MSI2: variants seen among roughly 807,000 people sequenced by gnomAD.
The protein encoded by MSI2 is musashi RNA binding protein 2.
In MSI2, 17 loss-of-function variants were observed where a neutral mutation model predicts 45.6. The ratio of observed to expected loss-of-function variants is 0.37; its 90% confidence interval spans 0.26 to 0.56. MSI2 has a LOEUF of 0.56. Among genes scored for constraint, MSI2 ranks in the 20% least tolerant of loss-of-function variants. The pLI is 0.77. For missense variants in MSI2, 293 were observed against 444.2 expected, an observed-to-expected ratio of 0.66 and a Z score of 3.06; for synonymous variants, 156 against 158.2, an observed-to-expected ratio of 0.99 and a Z score of 0.11.
At chr17:57,453,637 C>T (rs1038120890) in intron 6 of MSI2, among the ~76,000 whole-genome samples, 5 of 152,200 alleles carry the variant, frequency 3.3e-5, no homozygotes, top group African/African-American at 4.8e-5. Context: ...GTGCCGGGCA[C>T]GCTTTTCTAT....
intron 6 of MSI2, among the ~76,000 whole-genome samples, chr17:57,443,427 G>A (rs1220270104): frequency 2.0e-5 from 3 of 152,170 alleles, no homozygotes; most frequent in East Asian, 1.9e-4. Flanking sequence ...GCCTCTCCTC[G>A]GCTGCCCAAT....
downstream of MSI2, among the ~76,000 whole-genome samples, chr17:57,689,239 T>G (rs1913938725): frequency 6.6e-6 from 1 of 152,186 alleles, no homozygotes; most frequent in Admixed American, 6.5e-5. Context: ...GTATGTTCTC[T>G]CTCTCTACAT....
chr17:57,672,317 T>A (rs934982823), intron 11 of MSI2, among the ~76,000 whole-genome samples: 1 of 152,164 alleles, frequency 6.6e-6, no homozygotes, highest in Admixed American at 6.5e-5. Context: ...ATTGTGAAAT[T>A]CCCTTCAGGC....
chr17:57,520,528 C>A (rs2086561525), intron 6 of MSI2, among the ~76,000 whole-genome samples: 1 of 152,154 alleles, frequency 6.6e-6, no homozygotes, highest in Non-Finnish European at 1.5e-5. Flanking sequence ...GGTGTGGGAG[C>A]CTTCTGTGAA....
Position 57,410,008 on chromosome 17 carries a change from CAAAA to C in MSI2, c.405+8551_405+8554del, listed in dbSNP as rs59098048. Reference sequence around the variant, plus strand: ...GGGTGACAGTGTGAGACTCTGTCTCCAAAAAAAAAAAAAAAAATGGGGAGTATGG... The same window carrying C: ...GGGTGACAGTGTGAGACTCTGTCTCCAAAAAAAAAAAAATGGGGAGTATGG... On this transcript the variant is annotated intron_variant, in intron 6 of 13. Transcript: ENST00000284073. 1.7e-3 allele frequency among the ~76,000 whole-genome samples: 103 copies of C among 61,654 alleles called. 4 individuals are homozygous for C. The highest frequency in any genetic ancestry group is 5.5e-3 in the African/African-American group (91 of 16,692). 40.4% of individuals were successfully genotyped at this position (61,654 alleles called of 152,430 possible).
intron 7 of MSI2, among the ~76,000 whole-genome samples, chr17:57,566,626 G>A (rs764174796): frequency 1.3e-5 from 2 of 152,192 alleles, no homozygotes; most frequent in Non-Finnish European, 2.9e-5. Context: ...ATATAGCGCA[G>A]CATTGCTTTC....
intron 8 of MSI2, among the ~76,000 whole-genome samples, chr17:57,602,602 GC>G (rs1000873505): frequency 8.2e-4 from 125 of 152,126 alleles, no homozygotes; most frequent in African/African-American, 2.9e-3. Flanking sequence ...TGATCCCCTT[GC>G]CTCTGCCTCC....
At chr17:57,692,557 G>T in the MSI2 span, among the ~76,000 whole-genome samples, 1 of 152,016 alleles carries the variant, frequency 6.6e-6, no homozygotes, top group Admixed American at 6.6e-5. Context: ...TTTTCTTTGG[G>T]TATCTTATTT....
At chr17:57,518,415 G>A (rs2086515353) in intron 6 of MSI2, among the ~76,000 whole-genome samples, 1 of 152,066 alleles carries the variant, frequency 6.6e-6, no homozygotes, top group Non-Finnish European at 1.5e-5. Context: ...TTTTCCATTT[G>A]TCCTGATGTT....
intron 5 of MSI2, among the ~76,000 whole-genome samples, chr17:57,332,100 A>ATTT (rs138835359): frequency 2.2e-5 from 3 of 136,448 alleles, no homozygotes; most frequent in African/African-American, 8.1e-5. Flanking sequence ...TCATGTTGCC[A>ATTT]TTTTTTTTTT....
At chr17:57,597,623 C>A (rs373576031) in intron 8 of MSI2, among the ~76,000 whole-genome samples, 2 of 151,946 alleles carry the variant, frequency 1.3e-5, no homozygotes, top group East Asian at 1.9e-4. Flanking sequence ...GAAACCCTGT[C>A]TCAAAAAAAA....
At chr17:57,655,542 T>C (rs1025864317) in intron 11 of MSI2, among the ~76,000 whole-genome samples, 2 of 151,538 alleles carry the variant, frequency 1.3e-5, no homozygotes, top group South Asian at 4.2e-4. Context: ...TACTGTACTT[T>C]ATACTTGCCA....
the MSI2 span, among the ~76,000 whole-genome samples, chr17:57,698,863 G>T: frequency 6.7e-6 from 1 of 149,536 alleles, no homozygotes; most frequent in South Asian, 2.2e-4. Flanking sequence ...TCAGTTTCTT[G>T]TAAAAGATTC....
intron 6 of MSI2, among the ~76,000 whole-genome samples, chr17:57,444,286 G>A (rs1350424030): frequency 1.3e-5 from 2 of 152,072 alleles, no homozygotes; most frequent in African/African-American, 4.8e-5. Context: ...CTAGTTTACA[G>A]GCAAGAACAC....
chr17:57,391,769 C>T (rs947270750), intron 5 of MSI2, among the ~76,000 whole-genome samples: 3 of 152,206 alleles, frequency 2.0e-5, no homozygotes, highest in Non-Finnish European at 2.9e-5. Flanking sequence ...CTTTGGCTGC[C>T]TTTCTCATGC....
chr17:57,635,244 A>G (rs1909748749), intron 10 of MSI2, among the ~76,000 whole-genome samples: 1 of 152,252 alleles, frequency 6.6e-6, no homozygotes, highest in African/African-American at 2.4e-5. Flanking sequence ...AAGTTTAGGA[A>G]GTTAAATTTG....
intron 5 of MSI2, among the ~76,000 whole-genome samples, chr17:57,323,179 A>T (rs1229328073): frequency 6.6e-6 from 1 of 151,972 alleles, no homozygotes; most frequent in Non-Finnish European, 1.5e-5. Context: ...CAAGATTCCC[A>T]CCCCCAAGGC....
chr17:57,328,787 C>G (rs147660102), intron 5 of MSI2, among the ~76,000 whole-genome samples: 1 of 150,626 alleles, frequency 6.6e-6, no homozygotes, highest in African/African-American at 2.4e-5. Flanking sequence ...AGACATTCCT[C>G]TATATGGAAT....
Position 57,496,878 on chromosome 17 carries a change from A to G in MSI2, c.406-32798A>G, listed in dbSNP as rs370628524. Among the ~76,000 whole-genome samples, 18 of 152,238 alleles carry G rather than the reference A, an allele frequency of 1.2e-4. No individual in the cohort carries two copies. The East Asian group carries it at 1.4e-3, about 11-fold the overall frequency. On this transcript the variant is annotated intron_variant, in intron 6 of 13. Transcript: ENST00000284073. The stretch of plus-strand genomic sequence containing the variant: ...TCCACCTGCTAGGTGTACAATTACA[A>G]CTTGTTTTGTTGGTGGCTAAATTCA...
Sources: allele counts gnomAD v4.1 joint callset (sites outside exome capture counted in the v4.1 genomes callset), GRCh38; gene constraint gnomAD v4.1.1; transcripts MANE v1.5; gene names NCBI Gene and HGNC (gene_info 2026-07-23, HGNC 2026-07-21).